The following EHBP1 variants were observed in gnomAD, a reference collection of about 807,000 sequenced individuals.
EHBP1 encodes the protein EH domain-binding protein 1.
EHBP1 carries 55 observed loss-of-function variants against 144.0 expected under a neutral mutation model. The observed-to-expected ratio is 0.38, with a 90% CI of 0.31 to 0.48. The LOEUF (loss-of-function observed/expected upper bound fraction) is 0.48, where lower values mean the gene tolerates loss of function less well. Ranked by LOEUF, EHBP1 falls within the 20% of genes least tolerant of loss-of-function variation. The pLI is 0.98. For synonymous variants in EHBP1, 469 were observed against 472.7 expected, an observed-to-expected ratio of 0.99 and a Z score of 0.10; for missense variants, 1,200 against 1,364.2, an observed-to-expected ratio of 0.88 and a Z score of 1.90.
Position 62,806,009 on chromosome 2 carries a change from T to C in EHBP1, c.313-20078T>C, listed in dbSNP as rs371282630. ...TTTTTTTTTTTCCTGAGTCAGGGTC[T>C]CACTCTGTCATTTAGGCTGGAGTGC... On this transcript the variant is annotated intron_variant, in intron 5 of 22. Coordinates refer to ENST00000431489, the MANE Select transcript of EHBP1 (RefSeq NM_001142616.3). Among the ~76,000 whole-genome samples, 4 of 152,090 alleles carry C rather than the reference T, an allele frequency of 2.6e-5. 1 individual carries two copies. Among genetic ancestry groups the C allele is most frequent in the African/African-American group, 9.6e-5 (4 of 41,506 alleles).
At chr2:62,843,194 C>G (rs756389757) in intron 7 of EHBP1, among the ~76,000 whole-genome samples, 4 of 152,074 alleles carry the variant, frequency 2.6e-5, no homozygotes, top group Non-Finnish European at 5.9e-5. Flanking sequence ...TTTTTCATCT[C>G]TAGCTTCCAG....
At chr2:62,694,051 T>G (rs2033998376) in intron 1 of EHBP1, among the ~76,000 whole-genome samples, 2 of 152,250 alleles carry the variant, frequency 1.3e-5, no homozygotes. Context: ...TTTTATAGTT[T>G]TAGCTGTTAA....
chr2:62,729,966 C>A (rs1274017534), intron 2 of EHBP1, among the ~76,000 whole-genome samples: 1 of 152,036 alleles, frequency 6.6e-6, no homozygotes, highest in Non-Finnish European at 1.5e-5. Context: ...TAGTTCCAAA[C>A]CACTGTAATA....
chr2:62,683,637 C>T (rs1366571001), intron 1 of EHBP1, among the ~76,000 whole-genome samples: 10 of 113,658 alleles, frequency 8.8e-5, no homozygotes, highest in South Asian at 2.9e-4. Context: ...CCAGCCTGGG[C>T]GAAAGAGCGA....
chr2:62,942,576 G>A, intron 10 of EHBP1, 142 bp from the exon 11 acceptor site: 1 of 616,948 alleles, frequency 1.6e-6, no homozygotes, highest in East Asian at 3.1e-5. Context: ...CCCTCTTGGA[G>A]GTTACAGTTG....
intron 5 of EHBP1, among the ~76,000 whole-genome samples, chr2:62,789,963 C>T (rs866979663): frequency 6.6e-6 from 1 of 152,110 alleles, no homozygotes; most frequent in African/African-American, 2.4e-5. Flanking sequence ...ATGATGTCAG[C>T]GAATATAATT....
At chr2:62,817,617 G>C (rs1046478820) in intron 5 of EHBP1, among the ~76,000 whole-genome samples, 2 of 152,134 alleles carry the variant, frequency 1.3e-5, no homozygotes, top group Admixed American at 6.6e-5. Context: ...GGCTTTACCA[G>C]GATCATCATA....
At chr2:62,741,078 T>TG (rs2038661998) in intron 2 of EHBP1, among the ~76,000 whole-genome samples, 1 of 152,208 alleles carries the variant, frequency 6.6e-6, no homozygotes. Flanking sequence ...GCCTTCTGTG[T>TG]GGTCACTCAG....
At chr2:62,778,468 T>C (rs2042191944) in intron 5 of EHBP1, among the ~76,000 whole-genome samples, 1 of 148,452 alleles carries the variant, frequency 6.7e-6, no homozygotes, top group Non-Finnish European at 1.5e-5. Context: ...TGGTTGAGCC[T>C]GGGAGGTTGA....
chr2:62,820,803 A>C (rs1477297906), intron 5 of EHBP1, among the ~76,000 whole-genome samples: 2 of 127,676 alleles, frequency 1.6e-5, no homozygotes, highest in Non-Finnish European at 3.2e-5. Context: ...TGATCCATTC[A>C]TCAGCAGGAT....
At chr2:62,889,098 C>G (rs1381885294) in intron 10 of EHBP1, among the ~76,000 whole-genome samples, 3 of 103,428 alleles carry the variant, frequency 2.9e-5, no homozygotes, top group African/African-American at 1.1e-4. Context: ...GAGTCTCACT[C>G]TGTTGCCCAA....
intron 10 of EHBP1, among the ~76,000 whole-genome samples, chr2:62,899,711 T>C (rs573738225): frequency 6.6e-6 from 1 of 152,338 alleles, no homozygotes; most frequent in East Asian, 1.9e-4. Flanking sequence ...ATCATGAAAA[T>C]CTTTGACATA....
chr2:62,878,792 T>G lies in EHBP1; in HGVS notation c.1185+4260T>G, dbSNP rs1326910261. On this transcript the variant is annotated intron_variant, in intron 10 of 22. Transcript: ENST00000431489. ...GGGAGGCTGAGGTGGGTGGATCACC[T>G]GAGGTCAGGAGTTTGAGACAAGCCT... is the stretch of plus-strand genomic sequence containing the variant. Among the ~76,000 whole-genome samples, 4 of 152,208 alleles carry G rather than the reference T, an allele frequency of 2.6e-5. No homozygotes were observed. The East Asian group carries it at 5.8e-4, about 22-fold the overall frequency.
intron 1 of EHBP1, among the ~76,000 whole-genome samples, chr2:62,675,702 G>C (rs1572847709): frequency 6.6e-6 from 1 of 152,158 alleles, no homozygotes; most frequent in South Asian, 2.1e-4. Flanking sequence ...CCATGGAGAG[G>C]TATCTTCCTG....
At chr2:62,711,249 G>A (rs956976349) in intron 2 of EHBP1, among the ~76,000 whole-genome samples, 2 of 152,190 alleles carry the variant, frequency 1.3e-5, no homozygotes, top group African/African-American at 4.8e-5. Flanking sequence ...GTACAGTTCA[G>A]TGAGTTTTGA....
At chr2:62,988,160 A>C (rs2059275333) in intron 15 of EHBP1, 1 of 613,490 alleles carries the variant, frequency 1.6e-6, no homozygotes, top group Admixed American at 3.3e-5. Context: ...GGCCTCATAA[A>C]CCATTTAGCT....
Position 62,948,519 on chromosome 2 carries a change from G to C in EHBP1, c.1673G>C (p.Arg558Pro), listed in dbSNP as rs765432420. The change falls in exon 13 of 23, where the codon CGG (arginine) becomes CCG (proline). Residue 558 changes from arginine to proline, a missense_variant. Coordinates refer to ENST00000431489, the MANE Select transcript of EHBP1 (RefSeq NM_001142616.3). ...KFYAELSDLKREPELQQPISG... is the reference protein window; with the variant it reads ...KFYAELSDLKPEPELQQPISG... ...TATGCAGAGCTTAGTGATCTGAAGCGGGAGCCTGAACTACAACAGCCTATC... is the reference window on the plus strand; with the variant it reads ...TATGCAGAGCTTAGTGATCTGAAGCCGGAGCCTGAACTACAACAGCCTATC... 8 of 1,614,018 alleles carry C rather than the reference G, an allele frequency of 5.0e-6. No homozygotes were observed. Among genetic ancestry groups the C allele is most frequent in the African/African-American group, 1.3e-5 (1 of 75,028 alleles).
intron 19 of EHBP1, among the ~76,000 whole-genome samples, chr2:63,032,665 T>G (rs1469876816): frequency 1.4e-5 from 2 of 146,824 alleles, no homozygotes; most frequent in Admixed American, 6.9e-5. Flanking sequence ...CCTTTAGAAA[T>G]AGCTTCTTCC....
At chr2:62,796,841 T>C (rs2043569135) in intron 5 of EHBP1, among the ~76,000 whole-genome samples, 1 of 151,932 alleles carries the variant, frequency 6.6e-6, no homozygotes, top group Admixed American at 6.6e-5. Context: ...TTTTTTTTTT[T>C]TAAATTTCTA....
Sources: allele counts gnomAD v4.1 joint callset (sites outside exome capture counted in the v4.1 genomes callset), GRCh38; gene constraint gnomAD v4.1.1; transcripts MANE v1.5; gene names NCBI Gene and HGNC (gene_info 2026-07-23, HGNC 2026-07-21).